Variants in DOCK1 observed in about 807,000 individuals in gnomAD.
The protein encoded by DOCK1 is dedicator of cytokinesis 1.
Under a neutral mutation model 262.7 loss-of-function variants are expected in DOCK1, and 138 were observed. The observed-to-expected ratio is 0.53, with a 90% CI of 0.46 to 0.61. DOCK1 has a LOEUF of 0.61. Among genes scored for constraint, DOCK1 ranks in the 20% least tolerant of loss-of-function variants. The pLI is 0.00. For missense variants in DOCK1, 1,908 were observed against 2,370.7 expected (o/e 0.80, Z 4.05); for synonymous variants, 866 against 867.4 (o/e 1.00, Z 0.03).
At chr10:127,116,715 C>G (rs73378451) in intron 25 of DOCK1, among the ~76,000 whole-genome samples, 8,468 of 152,156 alleles carry the variant, frequency 0.056, 598 homozygotes, top group African/African-American at 0.16. Flanking sequence ...CGAAAGGGAT[C>G]TTAAACCTGG....
intron 29 of DOCK1, among the ~76,000 whole-genome samples, chr10:127,321,929 C>A (rs1368917389): frequency 6.6e-6 from 1 of 151,842 alleles, no homozygotes; most frequent in East Asian, 2.0e-4. Context: ...ATGGTGAAAC[C>A]CTGTCCCTAC....
At chr10:127,106,698 C>A (rs955381529) in intron 24 of DOCK1, among the ~76,000 whole-genome samples, 1 of 152,034 alleles carries the variant, frequency 6.6e-6, no homozygotes, top group African/African-American at 2.4e-5. Context: ...GAGGCAACTC[C>A]TCTTTGGGAG....
chr10:127,057,830 G>C (rs949286492), intron 22 of DOCK1, among the ~76,000 whole-genome samples: 3 of 152,194 alleles, frequency 2.0e-5, no homozygotes, highest in Non-Finnish European at 4.4e-5. Context: ...AAGTTGTACA[G>C]ACCTTTTTGC....
At chr10:127,005,961 T>C (rs1000682009) in intron 10 of DOCK1, among the ~76,000 whole-genome samples, 14 of 152,226 alleles carry the variant, frequency 9.2e-5, no homozygotes, top group Non-Finnish European at 1.8e-4. Context: ...CATGTCCTTT[T>C]ATTAAGCATT....
chr10:127,446,814 A>G lies in DOCK1; in HGVS notation c.5414-580A>G, dbSNP rs989738568. Among the ~76,000 whole-genome samples, 2 of 152,190 alleles carry G rather than the reference A, an allele frequency of 1.3e-5. No individual in the cohort carries two copies. The highest frequency in any genetic ancestry group is 6.5e-5 in the Admixed American group (1 of 15,278). The stretch of plus-strand genomic sequence containing the variant: ...TTTTTCCAGTTTACTTTAAAAATCA[A>G]TTGTACTTCCCCTTGGCTTATTTAA... On this transcript the variant is annotated intron_variant, in intron 50 of 51. Coordinates refer to ENST00000623213, the MANE Select transcript of DOCK1 (RefSeq NM_001290223.2). The surrounding 1 kb of genome is among the most constrained non-coding windows in gnomAD (Gnocchi z 4.4).
At chr10:127,272,524 T>G (rs940264321) in intron 29 of DOCK1, among the ~76,000 whole-genome samples, 2 of 152,242 alleles carry the variant, frequency 1.3e-5, no homozygotes, top group African/African-American at 4.8e-5. Context: ...AATGGGTAGC[T>G]TTTAGCACCT....
chr10:127,070,898 C>A (rs1355308196), intron 23 of DOCK1, among the ~76,000 whole-genome samples: 1 of 152,058 alleles, frequency 6.6e-6, no homozygotes, highest in Non-Finnish European at 1.5e-5. Flanking sequence ...GCACAGACAG[C>A]TGCTGTGTGA....
intron 31 of DOCK1, among the ~76,000 whole-genome samples, chr10:127,346,046 C>T (rs968062215): frequency 2.0e-5 from 3 of 152,204 alleles, no homozygotes; most frequent in Non-Finnish European, 2.9e-5. Context: ...ACAGCTCGGC[C>T]ACAGCAGGTG....
intron 29 of DOCK1, among the ~76,000 whole-genome samples, chr10:127,284,969 CA>C (rs56182315): frequency 5.0e-4 from 74 of 149,312 alleles, no homozygotes; most frequent in African/African-American, 1.7e-3. Context: ...CTTGTCTCTA[CA>C]AAAAAAAAAT....
intron 36 of DOCK1, among the ~76,000 whole-genome samples, 188 bp from the exon 37 acceptor site, chr10:127,381,090 T>G (rs920577913): frequency 2.6e-5 from 4 of 152,240 alleles, no homozygotes; most frequent in African/African-American, 9.6e-5. Context: ...TGTATCATCT[T>G]TATTTTTTTC....
At chr10:127,405,617 C>T (rs1186204548) in intron 40 of DOCK1, among the ~76,000 whole-genome samples, 2 of 152,086 alleles carry the variant, frequency 1.3e-5, no homozygotes, top group African/African-American at 2.4e-5. Context: ...CCTGTGTTTC[C>T]GACTCCACGG....
intron 31 of DOCK1, among the ~76,000 whole-genome samples, chr10:127,352,463 G>A (rs1028556415): frequency 2.6e-5 from 4 of 152,152 alleles, no homozygotes; most frequent in African/African-American, 7.2e-5. Flanking sequence ...TGAGTATCAT[G>A]TACTTTAGGA....
At chr10:127,096,189 G>A (rs1418347335) in intron 23 of DOCK1, among the ~76,000 whole-genome samples, 1 of 152,214 alleles carries the variant, frequency 6.6e-6, no homozygotes, top group Non-Finnish European at 1.5e-5. Flanking sequence ...ACACACCATA[G>A]AGATGCCTCC....
intron 2 of DOCK1, among the ~76,000 whole-genome samples, chr10:126,975,947 C>A (rs2038506390): frequency 6.6e-6 from 1 of 152,120 alleles, no homozygotes; most frequent in Admixed American, 6.6e-5. Flanking sequence ...TAGTTGCTGT[C>A]TTTTTGTGTC....
In DOCK1 at chr10:127,026,435, A is replaced by C. The variant is rs2042867846; in HGVS notation, c.1624+11A>C. ...GGTCATCACAGGACTGTGAGTAGTC[A>C]AGCACTTTCTTCCCCCAAGTATTTT... On this transcript the variant is annotated intron_variant, in intron 16 of 51. Coordinates refer to ENST00000623213, the MANE Select transcript of DOCK1 (RefSeq NM_001290223.2). The C allele has an allele frequency of 1.3e-6, 2 of 1,570,168 alleles. No individual in the cohort carries two copies. Among genetic ancestry groups the C allele is most frequent in the South Asian group, 1.2e-5 (1 of 85,054 alleles).
chr10:127,404,934 G>A (rs2067433388), intron 40 of DOCK1, among the ~76,000 whole-genome samples: 1 of 152,160 alleles, frequency 6.6e-6, no homozygotes, highest in Admixed American at 6.5e-5. Context: ...TTGTATTAGT[G>A]GAATTGTACA....
At chr10:127,447,070 G>A (rs577561195) in intron 50 of DOCK1, among the ~76,000 whole-genome samples, 3 of 152,290 alleles carry the variant, frequency 2.0e-5, no homozygotes, top group South Asian at 2.1e-4. Context: ...AACTTCCACC[G>A]AGGCAGGGGG....
At position 127,409,073 on chromosome 10, in the gene DOCK1, C is replaced by T. The variant is rs1234426888; in HGVS notation, c.4159C>T (p.Arg1387Cys). ...VFIYRGKEYE[R>C]REDFEARLLT... ...CATTTACCGAGGGAAAGAGTATGAG[C>T]GCCGGGAAGATTTTGAGGCTCGGCT... is the stretch of plus-strand genomic sequence containing the variant. Residue 1387 changes from arginine (R) to cysteine (C), a missense_variant, in exon 41 of 52, where the codon CGC (arginine) becomes TGC (cysteine). This residue lies in a region of DOCK1 where 267 missense variants were observed against 366.3 expected (regional missense o/e 0.73). Transcript: ENST00000623213. 8 of 1,594,320 alleles carry T rather than the reference C, an allele frequency of 5.0e-6. No individual in the cohort carries two copies. Among genetic ancestry groups the T allele is most frequent in the African/African-American group, 1.3e-5 (1 of 74,468 alleles).
intron 27 of DOCK1, among the ~76,000 whole-genome samples, chr10:127,195,756 G>A (rs1360366190): frequency 6.6e-6 from 1 of 152,126 alleles, no homozygotes; most frequent in Non-Finnish European, 1.5e-5. Context: ...GCCCCTCAGC[G>A]ACCCGGTCGC....
Sources: gnomAD v4.1 joint callset for allele counts (sites outside exome capture counted in the v4.1 genomes callset) on GRCh38, gnomAD v4.1.1 for gene constraint, gnomAD v4.1.1 regional missense constraint, Gnocchi (gnomAD v3.1) non-coding constraint, MANE v1.5 for transcripts, NCBI Gene and HGNC (gene_info 2026-07-23, HGNC 2026-07-21) for gene names.